Variants in KCNQ3 observed in about 807,000 individuals in gnomAD.
The protein encoded by KCNQ3 is potassium voltage-gated channel subfamily Q member 3, also known as potassium voltage-gated channel subfamily KQT member 3.
KCNQ3 carries 30 observed loss-of-function variants against 92.5 expected under a neutral mutation model. That is an observed-to-expected ratio of 0.32 (90% CI 0.24 to 0.44). KCNQ3 has a LOEUF of 0.44. Among genes scored for constraint, KCNQ3 ranks in the 20% least tolerant of loss-of-function variants. The pLI is 1.00. For synonymous variants in KCNQ3, 450 were observed against 468.8 expected (o/e 0.96, Z 0.52); for missense variants, 913 against 1,140.3 (o/e 0.80, Z 2.87).
intron 1 of KCNQ3, among the ~76,000 whole-genome samples, chr8:132,400,991 C>T (rs1820317165): frequency 6.6e-6 from 1 of 152,210 alleles, no homozygotes; most frequent in African/African-American, 2.4e-5. Context: ...AGGCCACAGC[C>T]AGCATTCAGG....
At chr8:132,245,991 A>ATAAATGAG (rs1815161449) in intron 1 of KCNQ3, among the ~76,000 whole-genome samples, 1 of 152,110 alleles carries the variant, frequency 6.6e-6, no homozygotes, top group Admixed American at 6.5e-5. Flanking sequence ...TATTAAATGA[A>ATAAATGAG]TAAGGAGAAA....
At chr8:132,310,034 A>G (rs1817544817) in intron 1 of KCNQ3, among the ~76,000 whole-genome samples, 2 of 152,222 alleles carry the variant, frequency 1.3e-5, no homozygotes, top group Non-Finnish European at 2.9e-5. Context: ...CATGACCTTT[A>G]ATAGGAAAGC....
intron 1 of KCNQ3, among the ~76,000 whole-genome samples, chr8:132,471,011 T>C (rs1010908994): frequency 8.5e-5 from 13 of 152,212 alleles, no homozygotes; most frequent in African/African-American, 3.1e-4. Flanking sequence ...ATACACAAGT[T>C]TGATAACTTT....
intron 1 of KCNQ3, among the ~76,000 whole-genome samples, chr8:132,289,568 A>G (rs1450274112): frequency 6.6e-6 from 1 of 152,166 alleles, no homozygotes; most frequent in Non-Finnish European, 1.5e-5. Flanking sequence ...TCTCTCACCT[A>G]CAAGGATACA....
chr8:132,453,887 C>T (rs538232021), intron 1 of KCNQ3, among the ~76,000 whole-genome samples: 65 of 152,264 alleles, frequency 4.3e-4, no homozygotes, highest in African/African-American at 1.5e-3. Context: ...GCAGTCCCCA[C>T]GGAAGCCAGT....
At chr8:132,475,880 T>G (rs1822398504) in intron 1 of KCNQ3, among the ~76,000 whole-genome samples, 1 of 152,100 alleles carries the variant, frequency 6.6e-6, no homozygotes, top group Admixed American at 6.5e-5. Context: ...ATCAGAGAAT[T>G]TTGTGGCAGC....
intron 1 of KCNQ3, among the ~76,000 whole-genome samples, chr8:132,320,170 T>G (rs1337745894): frequency 1.3e-5 from 2 of 152,210 alleles, no homozygotes; most frequent in Non-Finnish European, 2.9e-5. Context: ...TAGAGGATTT[T>G]CATGTATTTT....
chr8:132,444,763 G>A (rs1821631516), intron 1 of KCNQ3, among the ~76,000 whole-genome samples: 1 of 152,164 alleles, frequency 6.6e-6, no homozygotes, highest in South Asian at 2.1e-4. Context: ...GGGATTTGGT[G>A]GCATTGGACT....
At chr8:132,379,959 G>A (rs1444699282) in intron 1 of KCNQ3, among the ~76,000 whole-genome samples, 3 of 150,192 alleles carry the variant, frequency 2.0e-5, no homozygotes, top group Admixed American at 6.6e-5. Context: ...AACAAATCCT[G>A]GGGTATTATT....
In KCNQ3 at chr8:132,141,256, G is replaced by A. The variant is rs1203026113; in HGVS notation, c.1338C>T (p.Thr446=). ...CTTCTATGGCATCTACATTCAGAGG[G>A]GTAAATAGCTTTCCTTTAGTATTGC... ...RGSNTKGKLF[T]PLNVDAIEES... Residue 446 remains threonine (T), a synonymous_variant, in exon 10 of 15, where the codon ACC becomes ACT. Transcript: ENST00000388996. 2 of 1,613,980 alleles carry A rather than the reference G, an allele frequency of 1.2e-6. No homozygotes were observed. The highest frequency in any genetic ancestry group is 1.3e-5 in the African/African-American group (1 of 74,908).
intron 1 of KCNQ3, among the ~76,000 whole-genome samples, chr8:132,293,146 C>T (rs539661879): frequency 1.3e-5 from 2 of 152,296 alleles, no homozygotes; most frequent in East Asian, 3.9e-4. Context: ...TCACCTTACC[C>T]ATCTCTTCAT....
Position 132,270,130 on chromosome 8 carries a change from GA to G in KCNQ3, c.387-83950del, listed in dbSNP as rs35906701. 4.1e-3 allele frequency among the ~76,000 whole-genome samples: 609 copies of G among 148,340 alleles called. 6 individuals are homozygous for G. Among genetic ancestry groups the G allele is most frequent in the African/African-American group, 0.014 (550 of 40,224 alleles). On this transcript the variant is annotated intron_variant, in intron 1 of 14. Coordinates refer to ENST00000388996, the MANE Select transcript of KCNQ3 (RefSeq NM_004519.4). ...GATTTCTAAGCTTTATGATTTTCCTGAAAAAAAAAAAATTAAGCAGACTTTA... is the reference window on the plus strand; with the variant it reads ...GATTTCTAAGCTTTATGATTTTCCTGAAAAAAAAAAATTAAGCAGACTTTA...
intron 1 of KCNQ3, among the ~76,000 whole-genome samples, chr8:132,251,428 C>A (rs1040129855): frequency 6.6e-6 from 1 of 152,192 alleles, no homozygotes; most frequent in African/African-American, 2.4e-5. Context: ...AGATACTACT[C>A]CTCCTGATAT....
rs1307554348 is a variant in KCNQ3, at chr8:132,129,855, T to C, written c.2026A>G (p.Arg676Gly). The part of the protein sequence containing the change: ...PAEAEKKEDN[R>G]YSDLKTIICN... ...ATGATGGTTTTCAAATCGGAATACCTGTTGTCCTCCTTCTTCTCTGCTTCA... is the reference window on the plus strand; with the variant it reads ...ATGATGGTTTTCAAATCGGAATACCCGTTGTCCTCCTTCTTCTCTGCTTCA... Residue 676 changes from arginine (R) to glycine (G), a missense_variant, in exon 15 of 15, where the codon AGG becomes GGG. This residue lies in a region of KCNQ3 where 375 missense variants were observed against 376.4 expected (regional missense o/e 1.00). Coordinates refer to ENST00000388996, the MANE Select transcript of KCNQ3 (RefSeq NM_004519.4). This position sits in a 1 kb window ranked among gnomAD's most constrained non-coding sequence, Gnocchi z 5.9. The C allele has an allele frequency of 6.2e-7, 1 of 1,614,164 alleles. No homozygotes were observed. Among genetic ancestry groups the C allele is most frequent in the Non-Finnish European group, 8.5e-7 (1 of 1,180,026 alleles).
intron 9 of KCNQ3, among the ~76,000 whole-genome samples, chr8:132,161,943 C>T (rs1189836638): frequency 6.6e-6 from 1 of 152,232 alleles, no homozygotes; most frequent in African/African-American, 2.4e-5. Flanking sequence ...ATGCATCAGC[C>T]AGTCTGACTC....
chr8:132,410,233 T>C (rs1474215150), intron 1 of KCNQ3, among the ~76,000 whole-genome samples: 2 of 152,224 alleles, frequency 1.3e-5, no homozygotes, highest in African/African-American at 4.8e-5. Flanking sequence ...AAATTGTTTT[T>C]TGATAACACC....
chr8:132,244,414 AGAAG>A (rs1309962623), intron 1 of KCNQ3, among the ~76,000 whole-genome samples: 2 of 151,992 alleles, frequency 1.3e-5, no homozygotes, highest in African/African-American at 4.8e-5. Flanking sequence ...GAAAGAGAAA[AGAAG>A]GAAGGAAGGA....
Position 132,384,667 on chromosome 8 carries a change from G to GT in KCNQ3, c.386+95479dup, listed in dbSNP as rs528453946. ...CATTTGAGAAACACGAGTTCAAGGA[G>GT]TTTTTTAATATTTAAAAGTAACTGC... On this transcript the variant is annotated intron_variant, in intron 1 of 14. Transcript: ENST00000388996. 2.8e-3 allele frequency among the ~76,000 whole-genome samples: 430 copies of GT among 152,292 alleles called. 1 individual carries two copies. The highest frequency in any genetic ancestry group is 9.5e-3 in the African/African-American group (394 of 41,562).
intron 1 of KCNQ3, among the ~76,000 whole-genome samples, chr8:132,271,417 T>TTTTA (rs573940385): frequency 1.3e-5 from 2 of 152,224 alleles, no homozygotes; most frequent in Admixed American, 1.3e-4. Flanking sequence ...CTTTGTCATA[T>TTTTA]TTTATTTATT....
Sources: allele counts gnomAD v4.1 joint callset (sites outside exome capture counted in the v4.1 genomes callset), GRCh38; gene constraint gnomAD v4.1.1; regional missense constraint gnomAD v4.1.1; non-coding constraint Gnocchi (gnomAD v3.1); transcripts MANE v1.5; gene names NCBI Gene and HGNC (gene_info 2026-07-23, HGNC 2026-07-21).